Variants in CDH12 observed in about 807,000 individuals in gnomAD.
CDH12 encodes the protein cadherin-12.
A neutral mutation model predicts 74.1 loss-of-function variants in CDH12; 41 were observed. That is an observed-to-expected ratio of 0.55 (90% CI 0.43 to 0.72). The LOEUF is 0.72. Among genes scored for constraint, CDH12 ranks in the 30% least tolerant of loss-of-function variants. CDH12 has a pLI of 0.00. For synonymous variants in CDH12, 399 were observed against 355.0 expected, an observed-to-expected ratio of 1.12 and a Z score of -1.39; for missense variants, 945 against 977.2, an observed-to-expected ratio of 0.97 and a Z score of 0.44.
chr5:22,176,230 A>C (rs967471508), intron 4 of CDH12, among the ~76,000 whole-genome samples: 1 of 151,996 alleles, frequency 6.6e-6, no homozygotes, highest in Non-Finnish European at 1.5e-5. Flanking sequence ...CAAGATTTTC[A>C]CTTTTCATAT....
chr5:22,182,958 GAGA>G (rs991722589), intron 4 of CDH12, among the ~76,000 whole-genome samples: 1 of 151,934 alleles, frequency 6.6e-6, no homozygotes, highest in African/African-American at 2.4e-5. Flanking sequence ...GTTTAGCATG[GAGA>G]AGTTTAGAAG....
chr5:22,098,120 T>A (rs1327066236), intron 4 of CDH12, among the ~76,000 whole-genome samples: 1 of 152,148 alleles, frequency 6.6e-6, no homozygotes, highest in Admixed American at 6.5e-5. Context: ...TTTGCACCCT[T>A]CATCCCAGCC....
chr5:22,598,773 T>C (rs994874233), intron 1 of CDH12, among the ~76,000 whole-genome samples: 1 of 152,202 alleles, frequency 6.6e-6, no homozygotes, highest in African/African-American at 2.4e-5. Flanking sequence ...ATTATCTTAA[T>C]TGATGCTGGC....
chr5:21,995,331 A>G (rs1384699577), intron 5 of CDH12, among the ~76,000 whole-genome samples: 1 of 151,762 alleles, frequency 6.6e-6, no homozygotes, highest in Non-Finnish European at 1.5e-5. Context: ...AGCTTTCATC[A>G]TGTAAATTGA....
intron 1 of CDH12, among the ~76,000 whole-genome samples, chr5:22,799,407 A>G (rs905150015): frequency 1.3e-5 from 2 of 152,208 alleles, no homozygotes; most frequent in African/African-American, 4.8e-5. Flanking sequence ...TAAATTCTAC[A>G]TAATTTGTAA....
intron 1 of CDH12, among the ~76,000 whole-genome samples, chr5:22,527,094 C>G (rs1391199029): frequency 6.6e-6 from 1 of 152,104 alleles, no homozygotes; most frequent in African/African-American, 2.4e-5. Flanking sequence ...GAACCAGTGT[C>G]AAAAGTCCCC....
chr5:22,153,775 G>A (rs1221673906), intron 4 of CDH12, among the ~76,000 whole-genome samples: 5 of 147,254 alleles, frequency 3.4e-5, no homozygotes, highest in African/African-American at 1.0e-4. Flanking sequence ...ATTCACAGGG[G>A]CCAAGATATG....
chr5:22,436,031 T>C (rs1326646074), intron 2 of CDH12, among the ~76,000 whole-genome samples: 4 of 151,360 alleles, frequency 2.6e-5, no homozygotes, highest in Non-Finnish European at 5.9e-5. Flanking sequence ...ATGTCCAACA[T>C]TGATAGACTA....
intron 4 of CDH12, among the ~76,000 whole-genome samples, chr5:22,079,825 A>T (rs1188719678): frequency 6.6e-6 from 1 of 152,158 alleles, no homozygotes; most frequent in Non-Finnish European, 1.5e-5. Flanking sequence ...AAACAGACAC[A>T]ATCTTTGCCT....
intron 1 of CDH12, among the ~76,000 whole-genome samples, chr5:22,841,899 G>A (rs1285292326): frequency 2.6e-5 from 4 of 152,128 alleles, no homozygotes; most frequent in African/African-American, 7.2e-5. Flanking sequence ...AAGTGAGATG[G>A]CAGGTGAAAA....
intron 3 of CDH12, among the ~76,000 whole-genome samples, chr5:22,322,229 A>G (rs1055985618): frequency 6.6e-6 from 1 of 152,150 alleles, no homozygotes; most frequent in Admixed American, 6.5e-5. Context: ...CCTTCAAAAG[A>G]TTCTCAAAAG....
chr5:22,551,648 C>T (rs400155), intron 1 of CDH12, among the ~76,000 whole-genome samples: 89,389 of 151,822 alleles, frequency 0.59, 26,632 homozygotes, highest in Admixed American at 0.7. Flanking sequence ...TCATAAAAAA[C>T]ATGTGATATT....
At chr5:22,367,211 G>A (rs879914528) in intron 3 of CDH12, among the ~76,000 whole-genome samples, 6 of 151,838 alleles carry the variant, frequency 4.0e-5, no homozygotes, top group Non-Finnish European at 8.8e-5. Flanking sequence ...GCACCACTTT[G>A]CTCCAGATAC....
At chr5:21,757,056 T>C (rs1490179867) in intron 13 of CDH12, among the ~76,000 whole-genome samples, 2 of 152,162 alleles carry the variant, frequency 1.3e-5, no homozygotes, top group African/African-American at 4.8e-5. Context: ...TGAGTGAAAA[T>C]GACTAATAGA....
At chr5:22,091,802 A>G (rs116825092) in intron 4 of CDH12, among the ~76,000 whole-genome samples, 1,562 of 152,024 alleles carry the variant, frequency 0.01, 11 homozygotes, top group Non-Finnish European at 0.017. Context: ...TCACTTTTAA[A>G]GCTCAAAACA....
chr5:22,654,285 T>G (rs1486927519), intron 1 of CDH12, among the ~76,000 whole-genome samples: 1 of 151,886 alleles, frequency 6.6e-6, no homozygotes, highest in African/African-American at 2.4e-5. Context: ...ACGTATTTCT[T>G]TCTTTCTTTC....
chr5:21,797,543 C>T (rs1450067162), intron 10 of CDH12, among the ~76,000 whole-genome samples: 1 of 152,122 alleles, frequency 6.6e-6, no homozygotes, highest in African/African-American at 2.4e-5. Flanking sequence ...CTTTTGACAA[C>T]CCCTTGTGGA....
intron 1 of CDH12, among the ~76,000 whole-genome samples, chr5:22,588,046 A>ATG (rs1298208981): frequency 4.7e-5 from 7 of 149,894 alleles, no homozygotes; most frequent in Admixed American, 4.0e-4. Flanking sequence ...ACACATATAT[A>ATG]TGTGTGTATA....
intron 5 of CDH12, among the ~76,000 whole-genome samples, chr5:22,002,262 T>C (rs948783749): frequency 6.6e-6 from 1 of 152,158 alleles, no homozygotes; most frequent in Non-Finnish European, 1.5e-5. Flanking sequence ...ATGAACTCTC[T>C]AATAAATAAT....
Sources: allele counts gnomAD v4.1 joint callset (sites outside exome capture counted in the v4.1 genomes callset), GRCh38; gene constraint gnomAD v4.1.1; transcripts MANE v1.5; gene names NCBI Gene and HGNC (gene_info 2026-07-23, HGNC 2026-07-21).